DEFB112: variants seen among roughly 807,000 people sequenced by gnomAD.
The protein encoded by DEFB112 is defensin beta 112, also known as beta-defensin 112.
DEFB112 carries 2 observed loss-of-function variants against 1.1 expected under a neutral mutation model. That is an observed-to-expected ratio of 1.85 (90% CI 0.76 to 5.83). The LOEUF (loss-of-function observed/expected upper bound fraction) is 5.83, where lower values mean the gene tolerates loss of function less well. Ranked by LOEUF, DEFB112 falls within the 30% of genes most tolerant of loss-of-function variation. The pLI, the probability that DEFB112 is intolerant of heterozygous loss-of-function variation, is 0.05. For synonymous variants in DEFB112, 40 were observed against 31.2 expected (o/e 1.28, Z -0.93); for missense variants, 120 against 94.4 (o/e 1.27, Z -1.12).
In DEFB112 at chr6:50,043,575, T is replaced by G. The variant is rs915117478; in HGVS notation, c.285A>C (p.Ter95CysextTer8). ...ATCATCTTCTTGTGCATGGATTTCT[T>G]CAATGACGTGAGTCTTTAGGGTACC... ...QEWYPKDSRH[*>C] The change falls in exon 2 of 2, where the codon TGA becomes TGC. Residue 95 changes from the stop codon to cysteine, a stop_lost. Coordinates refer to ENST00000651554, the MANE Select transcript of DEFB112 (RefSeq NM_001369057.2). The G allele has an allele frequency of 1.2e-6, 2 of 1,610,920 alleles. No individual in the cohort carries two copies. The highest frequency in any genetic ancestry group is 2.7e-5 in the African/African-American group (2 of 74,848).
rs1351790913 is a variant in DEFB112 at position 50,044,882 on chromosome 6, T to C, written c.59-1081A>G. Among the ~76,000 whole-genome samples the C allele has an allele frequency of 2.6e-5, 4 of 151,990 alleles. 1 individual carries two copies. In the East Asian group the frequency reaches 7.7e-4, roughly 29 times the overall value. Reference sequence around the variant, plus strand: ...CCTTTTTATTCTGTAATTAACCATTTTCGTGTCCATCTTTTTAAATAAAAT... The same window carrying C: ...CCTTTTTATTCTGTAATTAACCATTCTCGTGTCCATCTTTTTAAATAAAAT... On this transcript the variant is annotated intron_variant, in intron 1 of 1. Transcript: ENST00000651554.
rs545867817 is a variant in DEFB112 at position 50,047,051 on chromosome 6, G to C, written c.58+2761C>G. 1.1e-3 allele frequency among the ~76,000 whole-genome samples: 173 copies of C among 152,244 alleles called. 3 individuals carry two copies. The South Asian group carries it at 0.035, about 31-fold the overall frequency. ...AAACCTGGGGGTCAGCTTGGTGTTGGGGGGATCCAGAGCCCAGGAACACTG... is the reference window on the plus strand; with the variant it reads ...AAACCTGGGGGTCAGCTTGGTGTTGCGGGGATCCAGAGCCCAGGAACACTG... On this transcript the variant is annotated intron_variant, in intron 1 of 1. Transcript: ENST00000651554.
In DEFB112 at chr6:50,046,307, T is replaced by C. The variant is rs145817319; in HGVS notation, c.59-2506A>G. ...TTTGTTTGTTTCTGGATTTTTAAAT[T>C]TATATTCATAAAATTGAACTTTGTG... On this transcript the variant is annotated intron_variant, in intron 1 of 1. Transcript: ENST00000651554. 7.0e-3 allele frequency among the ~76,000 whole-genome samples: 1,051 copies of C among 150,970 alleles called. 20 individuals carry two copies. The highest frequency in any genetic ancestry group is 0.023 in the African/African-American group (968 of 41,214).
chr6:50,046,944 G>A lies in DEFB112; in HGVS notation c.58+2868C>T, dbSNP rs1424347458. Among the ~76,000 whole-genome samples, 7 of 152,168 alleles carry A rather than the reference G, an allele frequency of 4.6e-5. No homozygotes were observed. In the East Asian group the frequency reaches 5.8e-4, roughly 13 times the overall value. On this transcript the variant is annotated intron_variant, in intron 1 of 1. Coordinates refer to ENST00000651554, the MANE Select transcript of DEFB112 (RefSeq NM_001369057.2). Reference sequence around the variant, plus strand: ...AGTGAACCTGGAGCCTGTATCCACCGAGGCTGGCCTCGGGGCTGAGTCCAC... The same window carrying A: ...AGTGAACCTGGAGCCTGTATCCACCAAGGCTGGCCTCGGGGCTGAGTCCAC...
At chr6:50,047,235 TC>T (rs1272238834) in intron 1 of DEFB112, among the ~76,000 whole-genome samples, 2 of 152,146 alleles carry the variant, frequency 1.3e-5, no homozygotes, top group African/African-American at 4.8e-5. Context: ...GGCTGTCAGA[TC>T]CGGCCTGGTG....
At chr6:50,047,782 C>G (rs1774857998) in intron 1 of DEFB112, among the ~76,000 whole-genome samples, 1 of 152,138 alleles carries the variant, frequency 6.6e-6, no homozygotes, top group Admixed American at 6.5e-5. Context: ...CTTTATCATT[C>G]TTTTCATATA....
intron 1 of DEFB112, among the ~76,000 whole-genome samples, chr6:50,045,945 T>C (rs1488946244): frequency 1.3e-5 from 2 of 152,174 alleles, no homozygotes; most frequent in East Asian, 3.8e-4. Flanking sequence ...GTGGATACAA[T>C]ATTACAAATA....
chr6:50,045,289 T>A (rs150486750), intron 1 of DEFB112, among the ~76,000 whole-genome samples: 14 of 152,116 alleles, frequency 9.2e-5, no homozygotes, highest in Non-Finnish European at 8.8e-5. Context: ...CAGAGCCTAA[T>A]GTAGCACTGT....
rs1405102584 is a variant in DEFB112, at chr6:50,042,753, T to C, written c.*822A>G. Among the ~76,000 whole-genome samples the C allele has an allele frequency of 6.6e-6, 1 of 151,940 alleles. No homozygotes were observed. Among genetic ancestry groups the C allele is most frequent in the Non-Finnish European group, 1.5e-5 (1 of 67,928 alleles). ...TGTTAACACATCCTTGCCACATAAA[T>C]CCTGGGTATGACAAAAATTTCTATA... On this transcript the variant is annotated 3_prime_UTR_variant, in exon 2 of 2. Coordinates refer to ENST00000651554, the MANE Select transcript of DEFB112 (RefSeq NM_001369057.2).
chr6:50,044,719 A>G (rs1448053538), intron 1 of DEFB112, among the ~76,000 whole-genome samples: 1 of 152,020 alleles, frequency 6.6e-6, no homozygotes, highest in African/African-American at 2.4e-5. Context: ...AAAATTCTGG[A>G]GGAGACTGTC....
rs1016134556 is a variant in DEFB112, at chr6:50,042,196, C to G, written c.*1379G>C. 6.6e-6 allele frequency among the ~76,000 whole-genome samples: 1 copy of G among 151,886 alleles called. No homozygotes were observed. Among genetic ancestry groups the G allele is most frequent in the Non-Finnish European group, 1.5e-5 (1 of 67,936 alleles). On this transcript the variant is annotated 3_prime_UTR_variant, in exon 2 of 2. Transcript: ENST00000651554. ...ACTGTGAGACCCCTGAAGTGGGGTT[C>G]AGAGTTTGGATCATAAACCAAAATC...
intron 1 of DEFB112, among the ~76,000 whole-genome samples, chr6:50,044,032 A>C (rs952589865): frequency 6.6e-6 from 1 of 152,062 alleles, no homozygotes; most frequent in Non-Finnish European, 1.5e-5. Flanking sequence ...GTGACTCAAT[A>C]AGGGATTTCT....
At chr6:50,044,357 A>T (rs1442194593) in intron 1 of DEFB112, among the ~76,000 whole-genome samples, 1 of 152,178 alleles carries the variant, frequency 6.6e-6, no homozygotes, top group Non-Finnish European at 1.5e-5. Flanking sequence ...CGGAGATAGT[A>T]AATAACCACA....
intron 1 of DEFB112, among the ~76,000 whole-genome samples, chr6:50,048,133 G>T (rs912639304): frequency 1.3e-5 from 2 of 150,020 alleles, no homozygotes; most frequent in Admixed American, 1.3e-4. Context: ...GGCAACAAGA[G>T]TGAAACTCCG....
At chr6:50,045,876 T>A (rs1044126949) in intron 1 of DEFB112, among the ~76,000 whole-genome samples, 1 of 152,118 alleles carries the variant, frequency 6.6e-6, no homozygotes, top group African/African-American at 2.4e-5. Flanking sequence ...AGTCCCCGAA[T>A]TACAATAATT....
intron 1 of DEFB112, among the ~76,000 whole-genome samples, chr6:50,048,998 A>G (rs1474303816): frequency 1.3e-5 from 2 of 152,118 alleles, no homozygotes; most frequent in Non-Finnish European, 2.9e-5. Context: ...TTTGTACCTC[A>G]GAAAAGTTCT....
chr6:50,044,858 C>T (rs543322023), intron 1 of DEFB112, among the ~76,000 whole-genome samples: 82 of 152,060 alleles, frequency 5.4e-4, no homozygotes, highest in African/African-American at 1.8e-3. Context: ...TCTCAAAAAC[C>T]TTTTTATTCT....
chr6:50,049,217 G>A (rs531271951), intron 1 of DEFB112, among the ~76,000 whole-genome samples: 3 of 152,156 alleles, frequency 2.0e-5, no homozygotes, highest in South Asian at 2.1e-4. Flanking sequence ...AGTTACTACA[G>A]ATTTATTTTA....
At chr6:50,043,837 T>C in intron 1 of DEFB112, 36 bp from the exon 2 acceptor site, 1 of 1,575,150 alleles carries the variant, frequency 6.3e-7, no homozygotes, top group Non-Finnish European at 8.7e-7. Context: ...ATTAGTAATC[T>C]AGGTGGGAAC....
Sources: allele counts gnomAD v4.1 joint callset (sites outside exome capture counted in the v4.1 genomes callset), GRCh38; gene constraint gnomAD v4.1.1; transcripts MANE v1.5; gene names NCBI Gene and HGNC (gene_info 2026-07-23, HGNC 2026-07-21).